The following C19orf47 variants were observed in gnomAD, a reference collection of about 807,000 sequenced individuals.
C19orf47 encodes chromosome 19 open reading frame 47.
In C19orf47, 18 loss-of-function variants were observed where a neutral mutation model predicts 32.3. The ratio of observed to expected loss-of-function variants is 0.56; its 90% CI spans 0.39 to 0.83. The LOEUF (loss-of-function observed/expected upper bound fraction) is 0.83, where lower values mean the gene tolerates loss of function less well. C19orf47 is among the 40% of genes least tolerant of loss of function. The pLI, the probability that C19orf47 is intolerant of heterozygous loss-of-function variation, is 0.00. For synonymous variants in C19orf47, 202 were observed against 211.1 expected (o/e 0.96, Z 0.37); for missense variants, 484 against 531.6 (o/e 0.91, Z 0.88).
chr19:40,342,071 C>A (rs750560886), intron 1 of C19orf47, 181 bp from the exon 2 acceptor site: 1 of 985,234 alleles, frequency 1.0e-6, no homozygotes, highest in African/African-American at 1.7e-5. Context: ...CCACCATCAT[C>A]GCTTGTGCCT....
intron 2 of C19orf47, among the ~76,000 whole-genome samples, chr19:40,337,663 G>A (rs928728533): frequency 6.6e-6 from 1 of 152,120 alleles, no homozygotes; most frequent in Non-Finnish European, 1.5e-5. Flanking sequence ...TAAGACAATA[G>A]AGACTCAGAG....
chr19:40,333,834 G>C lies in C19orf47; in HGVS notation c.301+17C>G. 6.5e-7 allele frequency: 1 copy of C among 1,537,850 alleles called. No individual in the cohort carries two copies. The highest frequency in any genetic ancestry group is 8.8e-7 in the Non-Finnish European group (1 of 1,138,706). ...TATAAAAATCAAGGAAAAGAGGCCTGAATAGTTAGGACTCACCACTGGTGC... is the reference window on the plus strand; with the variant it reads ...TATAAAAATCAAGGAAAAGAGGCCTCAATAGTTAGGACTCACCACTGGTGC... On this transcript the variant is annotated intron_variant, in intron 5 of 8. Transcript: ENST00000683109.
the C19orf47 span, among the ~76,000 whole-genome samples, chr19:40,305,532 C>T: frequency 6.6e-6 from 1 of 152,064 alleles, no homozygotes; most frequent in Non-Finnish European, 1.5e-5. Context: ...GCTGGTCATC[C>T]CTGCAGAAAC....
chr19:40,295,552 C>T, the C19orf47 span, among the ~76,000 whole-genome samples: 2 of 151,992 alleles, frequency 1.3e-5, no homozygotes, highest in African/African-American at 2.4e-5. Flanking sequence ...CTCCCTGCCT[C>T]AGCCTCCTGA....
chr19:40,312,544 CAA>C, the C19orf47 span, among the ~76,000 whole-genome samples: 1 of 136,466 alleles, frequency 7.3e-6, no homozygotes. Flanking sequence ...GACTCCATCT[CAA>C]AAAAAAAAAA....
At chr19:40,311,266 C>A in the C19orf47 span, among the ~76,000 whole-genome samples, 1 of 151,990 alleles carries the variant, frequency 6.6e-6, no homozygotes, top group Non-Finnish European at 1.5e-5. Context: ...GTAATCTCAG[C>A]TACTTGGGAG....
chr19:40,335,629 TGA>T (rs1452860973), intron 4 of C19orf47, among the ~76,000 whole-genome samples: 1 of 151,636 alleles, frequency 6.6e-6, no homozygotes, highest in Non-Finnish European at 1.5e-5. Flanking sequence ...TTTTTTTTCT[TGA>T]GAGAGTCTCG....
chr19:40,317,879 C>T (rs542714018), downstream of C19orf47, among the ~76,000 whole-genome samples: 11 of 152,158 alleles, frequency 7.2e-5, no homozygotes, highest in East Asian at 3.9e-4. Context: ...ACCAACACAC[C>T]GGCCAATTTT....
chr19:40,345,071 G>A (rs917504927), intron 1 of C19orf47, among the ~76,000 whole-genome samples: 6 of 152,148 alleles, frequency 3.9e-5, no homozygotes, highest in South Asian at 2.1e-4. Flanking sequence ...TACCAGCCAG[G>A]TACTATGGTC....
At position 40,321,754 on chromosome 19, in the gene C19orf47, C is replaced by G. The variant is rs922280135; in HGVS notation, c.*128G>C. On this transcript the variant is annotated 3_prime_UTR_variant, in exon 9 of 9. Coordinates refer to ENST00000683109, the MANE Select transcript of C19orf47 (RefSeq NM_001256441.2). ...TGATCCCCCGAATGCTCGGGCCTAG[C>G]TCTAGAGCCCGAGGGAGACAAGCTG... 2.8e-6 allele frequency: 4 copies of G among 1,436,566 alleles called. No individual in the cohort carries two copies. The African/African-American group carries it at 5.7e-5, about 21-fold the overall frequency. The allele number at this position is 1,436,566 out of a possible 1,614,324, so 89.0% of individuals were successfully genotyped here. A position where few individuals can be genotyped will look rare whatever the true frequency, so the allele number is the denominator to read the frequency against.
chr19:40,339,294 T>C (rs1310666094), intron 2 of C19orf47: 1 of 152,346 alleles, frequency 6.6e-6, no homozygotes, highest in Non-Finnish European at 1.5e-5. Flanking sequence ...AATTAAACTG[T>C]CATAAGGCAC....
At chr19:40,319,306 G>A (rs2077685096), downstream of C19orf47, among the ~76,000 whole-genome samples, 1 of 110,100 alleles carries the variant, frequency 9.1e-6, no homozygotes, top group African/African-American at 3.8e-5. Flanking sequence ...AAATAAAATG[G>A]TTAAAATTGT....
At chr19:40,314,686 G>A (rs568064977), downstream of C19orf47, among the ~76,000 whole-genome samples, 1 of 152,200 alleles carries the variant, frequency 6.6e-6, no homozygotes, top group Non-Finnish European at 1.5e-5. Context: ...CCCCCAAGGA[G>A]ATGGAGCATA....
chr19:40,294,863 C>T, the C19orf47 span, among the ~76,000 whole-genome samples: 22 of 152,168 alleles, frequency 1.4e-4, no homozygotes, highest in Non-Finnish European at 2.8e-4. Context: ...TGTCCCAGTC[C>T]GTAGGGCTTT....
intron 1 of C19orf47, among the ~76,000 whole-genome samples, chr19:40,344,046 T>C (rs894735996): frequency 9.2e-5 from 14 of 151,390 alleles, no homozygotes; most frequent in African/African-American, 3.2e-4. Context: ...TCTGCCCACA[T>C]CAGTTTCCCA....
At chr19:40,300,705 T>C in the C19orf47 span, among the ~76,000 whole-genome samples, 2 of 152,190 alleles carry the variant, frequency 1.3e-5, no homozygotes, top group Non-Finnish European at 2.9e-5. Flanking sequence ...CTAAAAGCAT[T>C]TGCAATCAGC....
intron 4 of C19orf47, among the ~76,000 whole-genome samples, chr19:40,335,114 G>A (rs2078036957): frequency 6.6e-6 from 1 of 152,020 alleles, no homozygotes; most frequent in East Asian, 1.9e-4. Context: ...CTTGGTAAGT[G>A]TTAGCTATTA....
intron 1 of C19orf47, among the ~76,000 whole-genome samples, chr19:40,343,096 G>T (rs2078208727): frequency 6.6e-6 from 1 of 152,042 alleles, no homozygotes; most frequent in Non-Finnish European, 1.5e-5. Flanking sequence ...AGGATCATGG[G>T]GCCCACACTG....
At chr19:40,312,559 A>G in the C19orf47 span, among the ~76,000 whole-genome samples, 1 of 151,976 alleles carries the variant, frequency 6.6e-6, no homozygotes, top group Non-Finnish European at 1.5e-5. Context: ...AAAAAAAAGA[A>G]AAGGCCATAC....
Sources: gnomAD v4.1 joint callset for allele counts (sites outside exome capture counted in the v4.1 genomes callset) on GRCh38, gnomAD v4.1.1 for gene constraint, MANE v1.5 for transcripts, NCBI Gene and HGNC (gene_info 2026-07-23, HGNC 2026-07-21) for gene names.